Variants in RSU1 observed in about 807,000 individuals in gnomAD.
The protein encoded by RSU1 is Ras suppressor protein 1.
Under a neutral mutation model 31.1 loss-of-function variants are expected in RSU1, and 26 were observed. The ratio of observed to expected loss-of-function variants is 0.84; its 90% CI spans 0.61 to 1.16. The LOEUF (loss-of-function observed/expected upper bound fraction) is 1.16. RSU1 is among the 50% of genes most tolerant of loss of function. RSU1 has a pLI of 0.00. For missense variants in RSU1, 320 were observed against 339.1 expected (o/e 0.94, Z 0.44); for synonymous variants, 164 against 136.3 (o/e 1.20, Z -1.41).
chr10:16,631,854 G>C (rs1358171237), intron 8 of RSU1, among the ~76,000 whole-genome samples: 2 of 152,144 alleles, frequency 1.3e-5, no homozygotes, highest in African/African-American at 4.8e-5. Context: ...CACAGAGGGG[G>C]CACCCCAGAA....
In RSU1 at chr10:16,695,161, G is replaced by GGGGT. The variant is rs1564320459; in HGVS notation, c.599-7_599-6insACCC. On this transcript the variant is annotated splice_polypyrimidine_tract_variant and splice_region_variant and intron_variant, in intron 7 of 8. Transcript: ENST00000345264. ...GCCAGTTAAATCCAAGTTTCCTGGGGGGGGGGAAAAAAAAAGTGAAGGTCA... is the reference window on the plus strand; with the variant it reads ...GCCAGTTAAATCCAAGTTTCCTGGGGGGGTGGGGGGAAAAAAAAAGTGAAGGTCA... 4.7e-6 allele frequency: 7 copies of GGGGT among 1,483,236 alleles called. No individual in the cohort carries two copies. Among genetic ancestry groups the GGGGT allele is most frequent in the Non-Finnish European group, 5.4e-6 (6 of 1,102,240 alleles). The allele number at this position is 1,483,236 out of a possible 1,614,324, so 91.9% of individuals were successfully genotyped here.
intron 7 of RSU1, among the ~76,000 whole-genome samples, chr10:16,746,665 CTTTTTTTTT>C (rs535857942): frequency 4.2e-4 from 43 of 101,868 alleles, no homozygotes; most frequent in African/African-American, 1.2e-3. Flanking sequence ...TCCCAAATCA[CTTTTTTTTT>C]TTTTTTTTTT....
intron 2 of RSU1, among the ~76,000 whole-genome samples, chr10:16,787,519 G>A (rs958431731): frequency 2.6e-5 from 4 of 152,160 alleles, no homozygotes. Flanking sequence ...TGGTTAGGCT[G>A]CGTCCTCGCC....
At chr10:16,709,513 C>A (rs1239459368) in intron 7 of RSU1, among the ~76,000 whole-genome samples, 1 of 152,186 alleles carries the variant, frequency 6.6e-6, no homozygotes, top group East Asian at 1.9e-4. Flanking sequence ...ATATACCCAG[C>A]AATGGGATGG....
intron 8 of RSU1, among the ~76,000 whole-genome samples, chr10:16,657,681 C>A (rs1027738314): frequency 6.6e-6 from 1 of 152,094 alleles, no homozygotes; most frequent in Admixed American, 6.6e-5. Context: ...CAGCTTTGAA[C>A]CCATTATCGT....
chr10:16,687,503 C>T (rs1242554848), intron 8 of RSU1, among the ~76,000 whole-genome samples: 2 of 151,900 alleles, frequency 1.3e-5, no homozygotes, highest in Admixed American at 6.5e-5. Context: ...ATAGTGTTAA[C>T]CAAGTTACAA....
chr10:16,671,036 G>C (rs1403405296), intron 8 of RSU1, among the ~76,000 whole-genome samples: 5 of 152,168 alleles, frequency 3.3e-5, no homozygotes, highest in African/African-American at 1.2e-4. Flanking sequence ...AAAATACTGG[G>C]ATTACAGGCA....
intron 8 of RSU1, among the ~76,000 whole-genome samples, chr10:16,598,035 C>T (rs534082206): frequency 2.6e-5 from 4 of 152,230 alleles, no homozygotes; most frequent in Non-Finnish European, 5.9e-5. Flanking sequence ...CTGCCAGTTA[C>T]GAGCCACGGG....
At chr10:16,755,641 A>G (rs78128125) in intron 4 of RSU1, among the ~76,000 whole-genome samples, 3,175 of 152,104 alleles carry the variant, frequency 0.021, 127 homozygotes, top group African/African-American at 0.072. Flanking sequence ...GCAATTTTCA[A>G]TTATACCACA....
chr10:16,738,419 C>A (rs1836681699), intron 7 of RSU1, among the ~76,000 whole-genome samples: 1 of 152,208 alleles, frequency 6.6e-6, no homozygotes, highest in East Asian at 1.9e-4. Context: ...CCACTGGACT[C>A]TGGCCTGTGT....
intron 8 of RSU1, among the ~76,000 whole-genome samples, chr10:16,609,335 A>G (rs948345211): frequency 1.3e-5 from 2 of 152,176 alleles, no homozygotes; most frequent in African/African-American, 4.8e-5. Flanking sequence ...CATGCCCCCA[A>G]CAGGCCCCGT....
intron 2 of RSU1, among the ~76,000 whole-genome samples, chr10:16,786,572 G>A (rs1714011728): frequency 6.6e-6 from 1 of 151,770 alleles, no homozygotes; most frequent in South Asian, 2.1e-4. Flanking sequence ...AGGTACCCTC[G>A]GCCCCTCTCA....
chr10:16,781,804 C>T (rs926602750), intron 3 of RSU1, among the ~76,000 whole-genome samples: 2 of 152,222 alleles, frequency 1.3e-5, no homozygotes, highest in South Asian at 2.1e-4. Context: ...CTGGGTAACA[C>T]GGCAAGACCT....
At chr10:16,808,732 T>C (rs908103220) in intron 2 of RSU1, among the ~76,000 whole-genome samples, 1 of 152,208 alleles carries the variant, frequency 6.6e-6, no homozygotes, top group African/African-American at 2.4e-5. Context: ...AAAACTAATA[T>C]GCTGAAGCCC....
At chr10:16,668,573 C>T (rs2131534415) in intron 8 of RSU1, among the ~76,000 whole-genome samples, 1 of 152,282 alleles carries the variant, frequency 6.6e-6, no homozygotes, top group Non-Finnish European at 1.5e-5. Context: ...CATCATAAAA[C>T]ATTTGAAATA....
At chr10:16,627,250 T>C (rs1172990676) in intron 8 of RSU1, among the ~76,000 whole-genome samples, 1 of 152,226 alleles carries the variant, frequency 6.6e-6, no homozygotes, top group Non-Finnish European at 1.5e-5. Flanking sequence ...GTAACTTATA[T>C]ATTGAATGTA....
chr10:16,763,561 C>T (rs533509388), intron 4 of RSU1, among the ~76,000 whole-genome samples: 1 of 152,240 alleles, frequency 6.6e-6, no homozygotes, highest in East Asian at 1.9e-4. Flanking sequence ...CCCACCAGGC[C>T]CCACCTCCAA....
Position 16,592,680 on chromosome 10 carries a change from G to T in RSU1, c.*714C>A, listed in dbSNP as rs1833528799. On this transcript the variant is annotated 3_prime_UTR_variant, in exon 9 of 9. Transcript: ENST00000345264. ...AAATCCTTTGGCAGAATCTCCTAGA[G>T]ATTTGTTTTTCTGCTTCCTAATTTA... 1 of 151,948 alleles carries T rather than the reference G, an allele frequency of 6.6e-6. No individual in the cohort carries two copies. The highest frequency in any genetic ancestry group is 1.5e-5 in the Non-Finnish European group (1 of 67,998). The allele number at this position is 151,948 out of a possible 1,614,324, so 9.4% of individuals were successfully genotyped here. A position where few individuals can be genotyped will look rare whatever the true frequency, so the allele number is the denominator to read the frequency against.
chr10:16,755,969 A>C (rs1462664090), intron 4 of RSU1, among the ~76,000 whole-genome samples: 1 of 152,234 alleles, frequency 6.6e-6, no homozygotes, highest in Non-Finnish European at 1.5e-5. Flanking sequence ...CAAAAACTCA[A>C]ACCATTACAA....
Sources: allele counts gnomAD v4.1 joint callset (sites outside exome capture counted in the v4.1 genomes callset), GRCh38; gene constraint gnomAD v4.1.1; transcripts MANE v1.5; gene names NCBI Gene and HGNC (gene_info 2026-07-23, HGNC 2026-07-21).